Variants in ASTN2 observed in about 807,000 individuals in gnomAD.
The protein encoded by ASTN2 is astrotactin-2.
In ASTN2, 54 loss-of-function variants were observed where a neutral mutation model predicts 139.8. The ratio of observed to expected loss-of-function variants is 0.39; its 90% confidence interval spans 0.31 to 0.48. ASTN2 has a LOEUF of 0.48. Ranked by LOEUF, ASTN2 falls within the 20% of genes least tolerant of loss-of-function variation. ASTN2 has a pLI of 0.95. For synonymous variants in ASTN2, 756 were observed against 719.5 expected, an observed-to-expected ratio of 1.05 and a Z score of -0.81; for missense variants, 1,565 against 1,725.1, an observed-to-expected ratio of 0.91 and a Z score of 1.64.
chr9:117,092,607 A>G (rs1179318712), intron 5 of ASTN2, among the ~76,000 whole-genome samples: 1 of 152,184 alleles, frequency 6.6e-6, no homozygotes, highest in East Asian at 1.9e-4. Flanking sequence ...TAGACCTGAA[A>G]TGGTTACAGT....
intron 11 of ASTN2, 116 bp downstream of exon 11, chr9:116,863,467 A>T: frequency 1.5e-6 from 2 of 1,357,018 alleles, no homozygotes; most frequent in Non-Finnish European, 1.0e-6. Context: ...GCAGAGGCAG[A>T]TAAGGGTAGT....
At chr9:117,093,917 T>C (rs1382380673) in intron 5 of ASTN2, among the ~76,000 whole-genome samples, 1 of 152,174 alleles carries the variant, frequency 6.6e-6, no homozygotes, top group Non-Finnish European at 1.5e-5. Flanking sequence ...TCAGTTCCCT[T>C]CCTTGTTGTC....
Position 116,930,236 on chromosome 9 carries a change from T to C in ASTN2, c.1889+44972A>G, listed in dbSNP as rs1272431020. Among the ~76,000 whole-genome samples, 5 of 152,314 alleles carry C rather than the reference T, an allele frequency of 3.3e-5. No homozygotes were observed. In the East Asian group the frequency reaches 9.7e-4, roughly 29 times the overall value. ...TACTGCTGGTATTTTTAATCATTGC[T>C]GATAGGGCTGTGTGTCTGCAGTTTC... On this transcript the variant is annotated intron_variant, in intron 10 of 22. Coordinates refer to ENST00000313400, the MANE Select transcript of ASTN2 (RefSeq NM_001365068.1).
chr9:117,011,843 C>A (rs907850464), intron 6 of ASTN2, among the ~76,000 whole-genome samples: 4 of 152,170 alleles, frequency 2.6e-5, no homozygotes, highest in Non-Finnish European at 1.5e-5. Flanking sequence ...GCCTTCGAAG[C>A]TGGAACATTT....
At chr9:116,923,342 T>C (rs936966744) in intron 10 of ASTN2, among the ~76,000 whole-genome samples, 4 of 152,154 alleles carry the variant, frequency 2.6e-5, no homozygotes, top group Non-Finnish European at 5.9e-5. Flanking sequence ...CGCCCCCAGG[T>C]TTGGGTTGAT....
At chr9:117,233,430 G>T (rs572861527) in intron 2 of ASTN2, among the ~76,000 whole-genome samples, 2 of 152,266 alleles carry the variant, frequency 1.3e-5, no homozygotes, top group South Asian at 4.2e-4. Context: ...CTCCCAGGGT[G>T]GTTGGGAGAA....
At chr9:116,428,907 T>C (rs571895638) in intron 22 of ASTN2, among the ~76,000 whole-genome samples, 1 of 152,310 alleles carries the variant, frequency 6.6e-6, no homozygotes, top group African/African-American at 2.4e-5. Flanking sequence ...ATGTTATCTA[T>C]GATTATTGTC....
At chr9:117,078,497 G>A (rs1193039292) in intron 5 of ASTN2, among the ~76,000 whole-genome samples, 2 of 152,182 alleles carry the variant, frequency 1.3e-5, no homozygotes, top group Non-Finnish European at 2.9e-5. Context: ...AAAATACCAT[G>A]TTATTAGAAG....
At chr9:117,175,058 C>T (rs1830884039) in intron 3 of ASTN2, among the ~76,000 whole-genome samples, 1 of 151,828 alleles carries the variant, frequency 6.6e-6, no homozygotes, top group African/African-American at 2.4e-5. Flanking sequence ...ATTTTTTCCA[C>T]ATGAAAATTT....
At chr9:116,883,777 C>A (rs1178716410) in intron 10 of ASTN2, among the ~76,000 whole-genome samples, 2 of 152,148 alleles carry the variant, frequency 1.3e-5, no homozygotes, top group East Asian at 3.9e-4. Context: ...GCAGGCCAGG[C>A]ACAGGAGATT....
chr9:117,281,183 G>A (rs1168618602), intron 2 of ASTN2, among the ~76,000 whole-genome samples: 1 of 152,110 alleles, frequency 6.6e-6, no homozygotes, highest in African/African-American at 2.4e-5. Flanking sequence ...ACCTTCCCTG[G>A]GCACCTTGCT....
At chr9:117,307,006 G>C (rs2130808342) in intron 1 of ASTN2, among the ~76,000 whole-genome samples, 1 of 152,276 alleles carries the variant, frequency 6.6e-6, no homozygotes, top group South Asian at 2.1e-4. Flanking sequence ...TGAGGACCAA[G>C]TTAGATAAAT....
intron 17 of ASTN2, among the ~76,000 whole-genome samples, chr9:116,637,364 C>T (rs1248090133): frequency 1.3e-5 from 2 of 152,142 alleles, no homozygotes; most frequent in South Asian, 2.1e-4. Flanking sequence ...TGCTAAGCAC[C>T]TTACATGAAC....
chr9:116,869,250 T>C (rs902950379), intron 10 of ASTN2, among the ~76,000 whole-genome samples: 1 of 152,140 alleles, frequency 6.6e-6, no homozygotes, highest in African/African-American at 2.4e-5. Context: ...TAATCTGTTA[T>C]AACCTTTTCT....
Position 117,096,127 on chromosome 9 carries a change from T to A in ASTN2, c.1193A>T (p.Lys398Met). ...GTCTGCCTCTGAGCCCGACGTCCCCTTGGCTCTCCCAAAGCTGATTCCTCC... is the reference window on the plus strand; with the variant it reads ...GTCTGCCTCTGAGCCCGACGTCCCCATGGCTCTCCCAAAGCTGATTCCTCC... The part of the protein sequence containing the change: ...SRGGISFGRA[K>M]GTSGSEADDE... The change falls in exon 5 of 23, where the codon AAG (lysine) becomes ATG (methionine). Residue 398 changes from lysine (K) to methionine (M), a missense_variant. Coordinates refer to ENST00000313400, the MANE Select transcript of ASTN2 (RefSeq NM_001365068.1). 6.2e-7 allele frequency: 1 copy of A among 1,614,044 alleles called. No homozygotes were observed. The highest frequency in any genetic ancestry group is 1.3e-5 in the African/African-American group (1 of 75,036).
chr9:116,929,004 C>T (rs575966010), intron 10 of ASTN2, among the ~76,000 whole-genome samples: 3 of 152,180 alleles, frequency 2.0e-5, no homozygotes, highest in South Asian at 2.1e-4. Context: ...CCAGGCCTGT[C>T]GTGGCCTGCA....
intron 19 of ASTN2, among the ~76,000 whole-genome samples, chr9:116,532,034 C>T (rs1275867381): frequency 2.0e-5 from 3 of 152,152 alleles, no homozygotes; most frequent in South Asian, 2.1e-4. Flanking sequence ...CCTGTTGTTT[C>T]CTGACTTTTC....
At chr9:117,164,147 T>A (rs4838255) in intron 3 of ASTN2, among the ~76,000 whole-genome samples, 131,076 of 152,122 alleles carry the variant, frequency 0.86, 56,635 homozygotes, top group East Asian at 1. Context: ...TGGGTTTTAA[T>A]ATCAGTTTTA....
intron 16 of ASTN2, chr9:116,686,771 A>G (rs1860240530): frequency 1.3e-6 from 2 of 1,550,548 alleles, no homozygotes; most frequent in Admixed American, 2.0e-5. Flanking sequence ...CCAGCTGAGT[A>G]GGCAAAACAT....
Sources: gnomAD v4.1 joint callset for allele counts (sites outside exome capture counted in the v4.1 genomes callset) on GRCh38, gnomAD v4.1.1 for gene constraint, MANE v1.5 for transcripts, NCBI Gene and HGNC (gene_info 2026-07-23, HGNC 2026-07-21) for gene names.